The following ABTB3 variants were observed in gnomAD, a reference collection of about 807,000 sequenced individuals.
The protein encoded by ABTB3 is ankyrin repeat and BTB domain containing 3.
the ABTB3 span, among the ~76,000 whole-genome samples, chr12:107,624,125 T>C: frequency 6.6e-6 from 1 of 151,886 alleles, no homozygotes; most frequent in Non-Finnish European, 1.5e-5. Flanking sequence ...AAGTTTGGCT[T>C]TTCTTCTATG....
the ABTB3 span, among the ~76,000 whole-genome samples, chr12:107,321,216 T>C: frequency 6.6e-6 from 1 of 152,210 alleles, no homozygotes; most frequent in African/African-American, 2.4e-5. Flanking sequence ...ATTTCATTCA[T>C]GTTGCTGCCT....
At chr12:107,631,404 A>G in the ABTB3 span, among the ~76,000 whole-genome samples, 1 of 152,182 alleles carries the variant, frequency 6.6e-6, no homozygotes, top group East Asian at 1.9e-4. Context: ...TAGTGCTGCA[A>G]TGAACATGTG....
At chr12:107,606,131 G>C in the ABTB3 span, among the ~76,000 whole-genome samples, 9 of 152,120 alleles carry the variant, frequency 5.9e-5, no homozygotes, top group Non-Finnish European at 1.2e-4. Flanking sequence ...AGGGCAGGAT[G>C]GGGGGTCAGG....
chr12:107,471,874 G>T, the ABTB3 span, among the ~76,000 whole-genome samples: 1 of 152,164 alleles, frequency 6.6e-6, no homozygotes, highest in East Asian at 1.9e-4. Context: ...ACCCCAGACT[G>T]TGAGGCTCCC....
At chr12:107,649,565 G>C in the ABTB3 span, 1,647 of 412,800 alleles carry the variant, frequency 4.0e-3, 34 homozygotes, top group East Asian at 0.024. Flanking sequence ...TGGTGGTAAG[G>C]GGGCAGGGAA....
chr12:107,605,051 ATAAG>A, the ABTB3 span, among the ~76,000 whole-genome samples: 114 of 152,348 alleles, frequency 7.5e-4, 1 homozygote, highest in South Asian at 6.4e-3. Context: ...CCATAAATAA[ATAAG>A]TATGTGAGGT....
At chr12:107,557,602 A>G in the ABTB3 span, among the ~76,000 whole-genome samples, 185 of 152,356 alleles carry the variant, frequency 1.2e-3, no homozygotes, top group Non-Finnish European at 2.0e-3. Context: ...TCAATCCATA[A>G]GCATGCATTA....
At chr12:107,378,683 G>C in the ABTB3 span, among the ~76,000 whole-genome samples, 52 of 152,120 alleles carry the variant, frequency 3.4e-4, no homozygotes, top group Admixed American at 2.0e-3. Context: ...ACACTGGCTC[G>C]CCTTCCCTGT....
the ABTB3 span, among the ~76,000 whole-genome samples, chr12:107,348,232 T>C: frequency 6.6e-6 from 1 of 152,146 alleles, no homozygotes; most frequent in Admixed American, 6.5e-5. Flanking sequence ...TTTACATATG[T>C]ATATAGAAAT....
the ABTB3 span, among the ~76,000 whole-genome samples, chr12:107,401,000 A>G: frequency 6.6e-6 from 1 of 152,156 alleles, no homozygotes; most frequent in African/African-American, 2.4e-5. Context: ...TCCTACCCAC[A>G]TGTGCCAGGC....
chr12:107,483,448 G>A, the ABTB3 span, among the ~76,000 whole-genome samples: 4 of 152,126 alleles, frequency 2.6e-5, no homozygotes, highest in African/African-American at 9.7e-5. Context: ...GGGACTGATG[G>A]GTACTTAGAC....
At chr12:107,614,627 G>C in the ABTB3 span, among the ~76,000 whole-genome samples, 1 of 152,162 alleles carries the variant, frequency 6.6e-6, no homozygotes, top group Non-Finnish European at 1.5e-5. Flanking sequence ...CAGAAAGCTA[G>C]CTCATTGTAA....
At chr12:107,558,584 A>G in the ABTB3 span, among the ~76,000 whole-genome samples, 3 of 152,122 alleles carry the variant, frequency 2.0e-5, no homozygotes, top group Non-Finnish European at 4.4e-5. Flanking sequence ...CAAAATCCAA[A>G]TGCCTCTGCT....
the ABTB3 span, among the ~76,000 whole-genome samples, chr12:107,469,894 C>CTT: frequency 9.5e-6 from 1 of 104,964 alleles, no homozygotes; most frequent in African/African-American, 4.4e-5. Context: ...TTCTTTCTTT[C>CTT]TTTCTTTCTT....
the ABTB3 span, among the ~76,000 whole-genome samples, chr12:107,548,413 G>T: frequency 9.7e-4 from 148 of 152,292 alleles, no homozygotes; most frequent in African/African-American, 3.5e-3. Flanking sequence ...ATCCTTTCTT[G>T]TCAGAACAGC....
chr12:107,354,291 G>C, the ABTB3 span, among the ~76,000 whole-genome samples: 1 of 152,090 alleles, frequency 6.6e-6, no homozygotes, highest in Admixed American at 6.5e-5. Context: ...ATGGTTTTCA[G>C]TATATTCAGA....
chr12:107,635,246 C>T, the ABTB3 span: 2 of 1,582,744 alleles, frequency 1.3e-6, no homozygotes, highest in Admixed American at 1.7e-5. Context: ...AGGCTGGCCA[C>T]AGCCCCCTGT....
At chr12:107,434,256 G>A in the ABTB3 span, among the ~76,000 whole-genome samples, 3 of 152,208 alleles carry the variant, frequency 2.0e-5, no homozygotes, top group Non-Finnish European at 4.4e-5. Flanking sequence ...GTCTATGGTT[G>A]GGAGCTGCCC....
the ABTB3 span, among the ~76,000 whole-genome samples, chr12:107,485,412 A>G: frequency 6.6e-6 from 1 of 152,192 alleles, no homozygotes; most frequent in Non-Finnish European, 1.5e-5. Flanking sequence ...TGACAATCAC[A>G]TGGGTACTAC....
Sources: gnomAD v4.1 joint callset for allele counts (sites outside exome capture counted in the v4.1 genomes callset) on GRCh38, gnomAD v4.1.1 for gene constraint, MANE v1.5 for transcripts, NCBI Gene and HGNC (gene_info 2026-07-23, HGNC 2026-07-21) for gene names.